The following NSMCE1 variants were observed in gnomAD, a reference collection of about 807,000 sequenced individuals.
The protein encoded by NSMCE1 is NSE1 component of SMC5/6 complex.
A neutral mutation model predicts 29.6 loss-of-function variants in NSMCE1; 18 were observed. The ratio of observed to expected loss-of-function variants is 0.61; its 90% CI spans 0.42 to 0.90. The LOEUF (loss-of-function observed/expected upper bound fraction) is 0.90, where lower values mean the gene tolerates loss of function less well. NSMCE1 is among the 40% of genes least tolerant of loss of function. NSMCE1 has a pLI of 0.00. For synonymous variants in NSMCE1, 124 were observed against 133.4 expected, an observed-to-expected ratio of 0.93 and a Z score of 0.49; for missense variants, 314 against 343.6, an observed-to-expected ratio of 0.91 and a Z score of 0.68.
intron 5 of NSMCE1, chr16:27,230,963 G>C (rs2083756473): frequency 1.3e-5 from 2 of 152,448 alleles, no homozygotes; most frequent in Admixed American, 1.3e-4. Flanking sequence ...CAGACAAAGG[G>C]CAAGTCAAAC....
At chr16:27,234,073 G>A (rs1177618708) in intron 4 of NSMCE1, 115 bp downstream of exon 4, 22 of 725,904 alleles carry the variant, frequency 3.0e-5, no homozygotes, top group Non-Finnish European at 5.5e-5. Context: ...GACAGCAATG[G>A]TGGCCCATGT....
At chr16:27,251,191 A>AAAT (rs1555477412) in intron 2 of NSMCE1, among the ~76,000 whole-genome samples, 2 of 32,334 alleles carry the variant, frequency 6.2e-5, no homozygotes, top group Non-Finnish European at 1.1e-4. Flanking sequence ...TATATATATA[A>AAAT]ATATATATAT....
chr16:27,267,969 C>A (rs969454686), intron 1 of NSMCE1, among the ~76,000 whole-genome samples: 2 of 152,036 alleles, frequency 1.3e-5, no homozygotes, highest in South Asian at 2.1e-4. Context: ...TTTCGAACTC[C>A]GAACCTCAGG....
Position 27,232,746 on chromosome 16 carries a change from T to C in NSMCE1, c.483+255A>G, listed in dbSNP as rs1248812523. Among the ~76,000 whole-genome samples the C allele has an allele frequency of 1.3e-5, 2 of 152,246 alleles. No individual in the cohort carries two copies. The highest frequency in any genetic ancestry group is 1.5e-5 in the Non-Finnish European group (1 of 68,040). On this transcript the variant is annotated intron_variant, in intron 5 of 7. Transcript: ENST00000361439. The surrounding 1 kb of genome is among the most constrained non-coding windows in gnomAD (Gnocchi z 4.5). ...GCCTTGATCCTGGGGCCCAAGTCCCTGGGCGCGGCTCCTGGCTCTGCCATT... is the reference window on the plus strand; with the variant it reads ...GCCTTGATCCTGGGGCCCAAGTCCCCGGGCGCGGCTCCTGGCTCTGCCATT...
Position 27,225,178 on chromosome 16 carries a change from G to A in NSMCE1, c.780C>T (p.Ser260=), listed in dbSNP as rs1314282225. ...ATGGCTAATGCTGCCTGGACCGCAG[G>A]GACTTTTTGTTCGATTTCAAGACAC... is the stretch of plus-strand genomic sequence containing the variant. ...ESGVLKSNKK[S]LRSRQH The change falls in exon 8 of 8, where the codon TCC becomes TCT. Residue 260 remains serine (S), a synonymous_variant. Transcript: ENST00000361439. 31 of 1,604,916 alleles carry A rather than the reference G, an allele frequency of 1.9e-5. No individual in the cohort carries two copies. The highest frequency in any genetic ancestry group is 2.6e-5 in the Non-Finnish European group (31 of 1,174,602).
intron 5 of NSMCE1, among the ~76,000 whole-genome samples, chr16:27,231,880 G>A (rs919272280): frequency 6.6e-6 from 1 of 152,122 alleles, no homozygotes; most frequent in Admixed American, 6.5e-5. Flanking sequence ...CTAAGCTATG[G>A]AGCCACTGCA....
chr16:27,261,166 C>CAAAAAAAAAAAAAAA (rs11420728), intron 1 of NSMCE1, among the ~76,000 whole-genome samples: 2 of 98,102 alleles, frequency 2.0e-5, no homozygotes, highest in East Asian at 2.7e-4. Context: ...GACTCCGTCT[C>CAAAAAAAAAAAAAAA]AAAAAAAAAA....
chr16:27,238,919 G>A (rs922066813), intron 2 of NSMCE1, among the ~76,000 whole-genome samples: 2 of 151,416 alleles, frequency 1.3e-5, no homozygotes, highest in Non-Finnish European at 2.9e-5. Flanking sequence ...GCCCAGGCTG[G>A]AGTGCAGTGG....
intron 1 of NSMCE1, among the ~76,000 whole-genome samples, chr16:27,266,140 A>G (rs927993886): frequency 3.9e-5 from 6 of 152,180 alleles, no homozygotes; most frequent in Non-Finnish European, 8.8e-5. Flanking sequence ...TGGGAGGTCA[A>G]GGCGGGAGGA....
intron 1 of NSMCE1, among the ~76,000 whole-genome samples, chr16:27,260,656 C>G: frequency 6.6e-6 from 1 of 151,956 alleles, no homozygotes; most frequent in Non-Finnish European, 1.5e-5. Flanking sequence ...CCCAGGAGTT[C>G]AAAACCAGCT....
intron 5 of NSMCE1, among the ~76,000 whole-genome samples, chr16:27,228,270 C>T (rs1596669229): frequency 1.3e-5 from 2 of 152,146 alleles, no homozygotes; most frequent in Non-Finnish European, 2.9e-5. Flanking sequence ...CATGGACAGC[C>T]GCTGCGGGAA....
Position 27,226,788 on chromosome 16 carries a change from G to A in NSMCE1, c.532C>T (p.Gln178Ter), listed in dbSNP as rs1596667626. The change falls in exon 6 of 8, where the codon CAA (glutamine) becomes TAA (stop). Residue 178 changes from glutamine (Q) to a stop codon, truncating the protein, a stop_gained. Coordinates refer to ENST00000361439, the MANE Select transcript of NSMCE1 (RefSeq NM_145080.4). LOFTEE classifies it high-confidence loss of function. The part of the protein sequence containing the change: ...LHGRAILEME[Q>*]YIRETYPDAV... ...TCGGGGTACGTCTCCCGGATGTATT[G>A]CTCCATCTCCAGGATGGCCCGGCCG... 6.2e-7 allele frequency: 1 copy of A among 1,613,970 alleles called. No homozygotes were observed. The highest frequency in any genetic ancestry group is 2.2e-5 in the East Asian group (1 of 44,876).
intron 2 of NSMCE1, among the ~76,000 whole-genome samples, chr16:27,236,618 G>A (rs2083828623): frequency 6.9e-6 from 1 of 144,058 alleles, no homozygotes; most frequent in African/African-American, 2.7e-5. Flanking sequence ...ACTTTTTAAA[G>A]CAAGAGTATG....
intron 2 of NSMCE1, among the ~76,000 whole-genome samples, chr16:27,245,449 G>C (rs1459524312): frequency 6.6e-6 from 1 of 152,194 alleles, no homozygotes; most frequent in South Asian, 2.1e-4. Context: ...TTAGGGGAGC[G>C]TGAAGCGCAC....
chr16:27,238,507 C>G (rs2083852408), intron 2 of NSMCE1, among the ~76,000 whole-genome samples: 1 of 151,684 alleles, frequency 6.6e-6, no homozygotes, highest in Non-Finnish European at 1.5e-5. Flanking sequence ...AGCCCAGCAG[C>G]CATGTCCCTC....
intron 2 of NSMCE1, among the ~76,000 whole-genome samples, chr16:27,235,563 G>A (rs544920476): frequency 7.9e-5 from 12 of 152,240 alleles, no homozygotes; most frequent in South Asian, 2.1e-4. Context: ...AGGCTGCCGC[G>A]GGCTTCCTGT....
chr16:27,235,442 C>A, intron 2 of NSMCE1, 143 bp from the exon 3 acceptor site: 1 of 817,646 alleles, frequency 1.2e-6, no homozygotes, highest in Non-Finnish European at 1.9e-6. Flanking sequence ...CTTGGGTGAA[C>A]GCCAATGCCA....
chr16:27,229,972 G>A (rs1237850710), intron 5 of NSMCE1, among the ~76,000 whole-genome samples: 1 of 152,220 alleles, frequency 6.6e-6, no homozygotes, highest in Non-Finnish European at 1.5e-5. Context: ...CCCATCAGGG[G>A]AGGGGCAGGA....
intron 1 of NSMCE1, among the ~76,000 whole-genome samples, chr16:27,264,419 C>T (rs55946348): frequency 0.034 from 5,122 of 152,046 alleles, 118 homozygotes; most frequent in Middle Eastern, 0.061. Context: ...GCTAGAGTAA[C>T]GAGTACAGTG....
Sources: allele counts gnomAD v4.1 joint callset (sites outside exome capture counted in the v4.1 genomes callset), GRCh38; gene constraint gnomAD v4.1.1; non-coding constraint Gnocchi (gnomAD v3.1); transcripts MANE v1.5; gene names NCBI Gene and HGNC (gene_info 2026-07-23, HGNC 2026-07-21).